The following ZMAT4 variants were observed in gnomAD, a reference collection of about 807,000 sequenced individuals.
ZMAT4 encodes the protein zinc finger matrin-type 4.
Under a neutral mutation model 28.7 loss-of-function variants are expected in ZMAT4, and 17 were observed. That is an observed-to-expected ratio of 0.59 (90% confidence interval 0.41 to 0.89). The LOEUF is 0.89. Among genes scored for constraint, ZMAT4 ranks in the 40% least tolerant of loss-of-function variants. ZMAT4 has a pLI of 0.00. For missense variants in ZMAT4, 240 were observed against 283.8 expected (o/e 0.85, Z 1.11); for synonymous variants, 117 against 109.2 (o/e 1.07, Z -0.44).
intron 5 of ZMAT4, among the ~76,000 whole-genome samples, chr8:40,671,589 C>A (rs1189453719): frequency 4.6e-5 from 7 of 152,068 alleles, no homozygotes; most frequent in Non-Finnish European, 2.9e-5. Flanking sequence ...TTTATGATTC[C>A]ACTTATATGG....
intron 5 of ZMAT4, among the ~76,000 whole-genome samples, chr8:40,582,610 T>C (rs1804529094): frequency 6.6e-6 from 1 of 152,254 alleles, no homozygotes; most frequent in Non-Finnish European, 1.5e-5. Context: ...GCATAGTATT[T>C]AATTTTAACA....
At chr8:40,769,145 AT>A (rs1243019091) in intron 2 of ZMAT4, among the ~76,000 whole-genome samples, 1 of 152,222 alleles carries the variant, frequency 6.6e-6, no homozygotes, top group Non-Finnish European at 1.5e-5. Flanking sequence ...AACATGAAAA[AT>A]TTTTACAAAT....
chr8:40,885,736 C>T (rs1818429268), intron 1 of ZMAT4, among the ~76,000 whole-genome samples: 1 of 152,166 alleles, frequency 6.6e-6, no homozygotes, highest in Non-Finnish European at 1.5e-5. Context: ...CCTGGCACCC[C>T]AAGTGTCTCC....
chr8:40,735,500 C>G (rs1257907312), intron 3 of ZMAT4, among the ~76,000 whole-genome samples: 1 of 152,114 alleles, frequency 6.6e-6, no homozygotes, highest in African/African-American at 2.4e-5. Flanking sequence ...CATTTTCAGA[C>G]AGTGCCAGAT....
intron 1 of ZMAT4, among the ~76,000 whole-genome samples, chr8:40,858,280 G>T (rs1048893597): frequency 6.6e-6 from 1 of 152,152 alleles, no homozygotes; most frequent in African/African-American, 2.4e-5. Context: ...GTGAGGCGGT[G>T]CTCATTTTCA....
chr8:40,801,351 A>AAAAATATATATATATATATATATATGT (rs370796453), intron 2 of ZMAT4, among the ~76,000 whole-genome samples: 2 of 97,262 alleles, frequency 2.1e-5, no homozygotes, highest in African/African-American at 7.4e-5. Context: ...TAAAAAAAAA[A>AAAAATATATATATATATATATATATGT]ATATATATAT....
intron 5 of ZMAT4, among the ~76,000 whole-genome samples, chr8:40,644,589 G>A (rs1255805874): frequency 6.6e-6 from 1 of 152,100 alleles, no homozygotes; most frequent in Non-Finnish European, 1.5e-5. Flanking sequence ...AATAAACAAA[G>A]AGGATAGATA....
At chr8:40,834,638 G>A (rs886737038) in intron 1 of ZMAT4, among the ~76,000 whole-genome samples, 3 of 152,118 alleles carry the variant, frequency 2.0e-5, no homozygotes, top group African/African-American at 7.2e-5. Flanking sequence ...CTGGGATCCA[G>A]CACACACCAC....
chr8:40,851,625 A>G (rs1586168128), intron 1 of ZMAT4, among the ~76,000 whole-genome samples: 1 of 152,212 alleles, frequency 6.6e-6, no homozygotes, highest in African/African-American at 2.4e-5. Flanking sequence ...ATAATTGCAC[A>G]TATGTATGGA....
chr8:40,709,135 G>C (rs1025567548), intron 3 of ZMAT4, among the ~76,000 whole-genome samples: 1 of 152,134 alleles, frequency 6.6e-6, no homozygotes, highest in Admixed American at 6.5e-5. Context: ...GCATCCTCCT[G>C]TAGACTTTAA....
At chr8:40,859,794 G>A (rs183006173) in intron 1 of ZMAT4, among the ~76,000 whole-genome samples, 15 of 151,028 alleles carry the variant, frequency 9.9e-5, no homozygotes, top group Admixed American at 4.0e-4. Flanking sequence ...TGAGGGGTGA[G>A]TGGAAAAAAA....
chr8:40,869,532 T>C (rs1263938063), intron 1 of ZMAT4, among the ~76,000 whole-genome samples: 1 of 152,170 alleles, frequency 6.6e-6, no homozygotes, highest in African/African-American at 2.4e-5. Flanking sequence ...AAAAGAAGAA[T>C]AAGAATATCT....
At chr8:40,834,388 C>T (rs1476564894) in intron 1 of ZMAT4, among the ~76,000 whole-genome samples, 1 of 152,136 alleles carries the variant, frequency 6.6e-6, no homozygotes, top group African/African-American at 2.4e-5. Context: ...AGAGCAGGTG[C>T]TGACCAGCCC....
Position 40,783,185 on chromosome 8 carries a change from A to T in ZMAT4, c.103-15455T>A, listed in dbSNP as rs1039820709. ...CCATCAACTGATGAATGGATTTTAA[A>T]ACTGCAGTATATCCTATGATAAATA... On this transcript the variant is annotated intron_variant, in intron 2 of 6. Transcript: ENST00000297737. Among the ~76,000 whole-genome samples the T allele has an allele frequency of 3.3e-5, 5 of 152,230 alleles. 1 individual carries two copies. Among genetic ancestry groups the T allele is most frequent in the Non-Finnish European group, 5.9e-5 (4 of 68,042 alleles).
intron 5 of ZMAT4, among the ~76,000 whole-genome samples, chr8:40,668,150 G>T (rs1213424415): frequency 2.6e-5 from 4 of 152,078 alleles, no homozygotes; most frequent in African/African-American, 9.7e-5. Context: ...AGAAGCAGCA[G>T]AAGAGTTCCC....
intron 5 of ZMAT4, among the ~76,000 whole-genome samples, chr8:40,668,399 G>A (rs1808524389): frequency 6.7e-6 from 1 of 148,272 alleles, no homozygotes; most frequent in South Asian, 2.1e-4. Flanking sequence ...GAACCCAGGA[G>A]GCGGAGGTTG....
intron 5 of ZMAT4, among the ~76,000 whole-genome samples, chr8:40,666,350 C>A: frequency 6.6e-6 from 1 of 152,120 alleles, no homozygotes; most frequent in East Asian, 1.9e-4. Flanking sequence ...TTTTCTGGAA[C>A]AAATAACACT....
At chr8:40,640,871 A>C (rs1203254324) in intron 5 of ZMAT4, among the ~76,000 whole-genome samples, 1 of 151,654 alleles carries the variant, frequency 6.6e-6, no homozygotes, top group Non-Finnish European at 1.5e-5. Context: ...AGGAAGGAGA[A>C]TTGCTTGAAC....
At chr8:40,795,047 A>C (rs1385658946) in intron 2 of ZMAT4, among the ~76,000 whole-genome samples, 1 of 152,064 alleles carries the variant, frequency 6.6e-6, no homozygotes. Context: ...TCCTCTCTGC[A>C]CCTTTATTTC....
Sources: allele counts gnomAD v4.1 joint callset (sites outside exome capture counted in the v4.1 genomes callset), GRCh38; gene constraint gnomAD v4.1.1; transcripts MANE v1.5; gene names NCBI Gene and HGNC (gene_info 2026-07-23, HGNC 2026-07-21).